Variants in KCND2 observed in about 807,000 individuals in gnomAD.
KCND2 encodes potassium voltage-gated channel subfamily D member 2.
KCND2 carries 16 observed loss-of-function variants against 54.4 expected under a neutral mutation model. That is an observed-to-expected ratio of 0.29 (90% CI 0.20 to 0.45). The LOEUF is 0.45. Among genes scored for constraint, KCND2 ranks in the 20% least tolerant of loss-of-function variants. The probability of loss-of-function intolerance (pLI) is 1.00; values close to 1 mark genes in which losing one functional copy is unlikely to be tolerated. For missense variants in KCND2, 486 were observed against 824.2 expected (o/e 0.59, Z 5.02); for synonymous variants, 317 against 310.7 (o/e 1.02, Z -0.21).
intron 1 of KCND2, among the ~76,000 whole-genome samples, chr7:120,687,540 G>A (rs75799166): frequency 0.017 from 2,593 of 152,170 alleles, 25 homozygotes; most frequent in African/African-American, 0.021. Flanking sequence ...TTGGGGGCAA[G>A]CATTGGGGCT....
intron 1 of KCND2, among the ~76,000 whole-genome samples, chr7:120,383,582 A>T (rs1800942426): frequency 6.6e-6 from 1 of 152,084 alleles, no homozygotes; most frequent in Non-Finnish European, 1.5e-5. Context: ...CAGAATGAGC[A>T]AGAGGTCTTA....
intron 1 of KCND2, among the ~76,000 whole-genome samples, chr7:120,345,029 C>T (rs1800293931): frequency 6.6e-6 from 1 of 152,108 alleles, no homozygotes. Context: ...GAGAGAAGCC[C>T]TCATAGGGGA....
chr7:120,518,114 G>A (rs918953164), intron 1 of KCND2, among the ~76,000 whole-genome samples: 5 of 152,092 alleles, frequency 3.3e-5, no homozygotes, highest in African/African-American at 1.2e-4. Flanking sequence ...TGAACATCGG[G>A]TCTGGGGAAT....
At chr7:120,536,743 CTTCTAA>C (rs1313566414) in intron 1 of KCND2, among the ~76,000 whole-genome samples, 1 of 152,258 alleles carries the variant, frequency 6.6e-6, no homozygotes, top group East Asian at 1.9e-4. Context: ...TTAGGCTCCA[CTTCTAA>C]TTCTAGTTCT....
intron 1 of KCND2, among the ~76,000 whole-genome samples, chr7:120,520,483 T>C (rs544726004): frequency 6.6e-6 from 1 of 152,234 alleles, no homozygotes; most frequent in Admixed American, 6.6e-5. Context: ...AAGAGAGTCC[T>C]TGACTTTGAG....
At chr7:120,476,454 T>C (rs1364340099) in intron 1 of KCND2, among the ~76,000 whole-genome samples, 2 of 152,198 alleles carry the variant, frequency 1.3e-5, no homozygotes, top group African/African-American at 4.8e-5. Context: ...TACATGTCAA[T>C]TAATTAGATA....
intron 1 of KCND2, among the ~76,000 whole-genome samples, chr7:120,684,763 T>G (rs1378542373): frequency 6.6e-6 from 1 of 152,020 alleles, no homozygotes; most frequent in African/African-American, 2.4e-5. Context: ...ATCACCTGAG[T>G]TTCACCTTCC....
At chr7:120,651,775 A>C (rs1221888614) in intron 1 of KCND2, among the ~76,000 whole-genome samples, 1 of 152,142 alleles carries the variant, frequency 6.6e-6, no homozygotes, top group Non-Finnish European at 1.5e-5. Flanking sequence ...TTTAAATTTG[A>C]GTTAATAAAT....
chr7:120,728,525 G>A (rs1792765182), intron 1 of KCND2, among the ~76,000 whole-genome samples: 1 of 152,020 alleles, frequency 6.6e-6, no homozygotes, highest in South Asian at 2.1e-4. Flanking sequence ...TCCTGACTCA[G>A]ATGATCCACC....
rs10571787 is a variant in KCND2, at chr7:120,739,798, A to AACACACACACACAC, written c.1279-1715_1279-1702dup. On this transcript the variant is annotated intron_variant, in intron 2 of 5. Transcript: ENST00000331113. ...AAATTTGGTAAGACTTAACAAAAGA[A>AACACACACACACAC]ACACACACACACACACACACACACA... is the stretch of plus-strand genomic sequence containing the variant. 1.2e-4 allele frequency among the ~76,000 whole-genome samples: 17 copies of AACACACACACACAC among 144,064 alleles called. No homozygotes were observed. The East Asian group carries it at 1.2e-3, about 10-fold the overall frequency. The allele number at this position is 144,064 out of a possible 152,430, so 94.5% of individuals were successfully genotyped here.
At chr7:120,448,721 C>T (rs1314032837) in intron 1 of KCND2, among the ~76,000 whole-genome samples, 1 of 151,870 alleles carries the variant, frequency 6.6e-6, no homozygotes, top group African/African-American at 2.4e-5. Context: ...AAAAGCTTAT[C>T]CACCACGATC....
chr7:120,472,236 C>A (rs1311784850), intron 1 of KCND2, among the ~76,000 whole-genome samples: 1 of 151,438 alleles, frequency 6.6e-6, no homozygotes, highest in African/African-American at 2.4e-5. Context: ...AGTAACAGTA[C>A]ATAGTACAGT....
At chr7:120,446,490 T>A (rs1354533362) in intron 1 of KCND2, among the ~76,000 whole-genome samples, 2 of 152,082 alleles carry the variant, frequency 1.3e-5, no homozygotes, top group South Asian at 2.1e-4. Flanking sequence ...AGTGTTGGAG[T>A]GTAATTGTTC....
intron 1 of KCND2, among the ~76,000 whole-genome samples, chr7:120,294,386 A>G (rs1055526424): frequency 6.6e-6 from 1 of 151,892 alleles, no homozygotes; most frequent in African/African-American, 2.4e-5. Context: ...CGAGTATGAA[A>G]TTCATTTCAG....
intron 1 of KCND2, among the ~76,000 whole-genome samples, chr7:120,707,853 A>G (rs1367842818): frequency 6.6e-6 from 1 of 152,014 alleles, no homozygotes. Flanking sequence ...GCAATGACCA[A>G]CTTCACCTGT....
chr7:120,455,549 G>A (rs1011907291), intron 1 of KCND2, among the ~76,000 whole-genome samples: 8 of 152,112 alleles, frequency 5.3e-5, no homozygotes, highest in Non-Finnish European at 8.8e-5. Context: ...TCATCACAAT[G>A]CTATTCATAA....
chr7:120,528,216 A>G (rs1019651118), intron 1 of KCND2, among the ~76,000 whole-genome samples: 1 of 152,126 alleles, frequency 6.6e-6, no homozygotes, highest in African/African-American at 2.4e-5. Flanking sequence ...TTCTTTATAA[A>G]CGACAGCAGT....
At chr7:120,721,651 C>T (rs2116105105) in intron 1 of KCND2, among the ~76,000 whole-genome samples, 1 of 152,258 alleles carries the variant, frequency 6.6e-6, no homozygotes, top group African/African-American at 2.4e-5. Flanking sequence ...ATTTAAACAG[C>T]TGTGACTATT....
intron 1 of KCND2, among the ~76,000 whole-genome samples, chr7:120,553,963 A>G (rs1792131659): frequency 6.6e-6 from 1 of 152,226 alleles, no homozygotes; most frequent in Non-Finnish European, 1.5e-5. Flanking sequence ...TTCTGGGATC[A>G]TCTCTTCCTT....
Sources: gnomAD v4.1 joint callset for allele counts (sites outside exome capture counted in the v4.1 genomes callset) on GRCh38, gnomAD v4.1.1 for gene constraint, MANE v1.5 for transcripts, NCBI Gene and HGNC (gene_info 2026-07-23, HGNC 2026-07-21) for gene names.